Variants in VAC14 observed in about 807,000 individuals in gnomAD.
VAC14 encodes VAC14 component of PIKFYVE complex, also known as protein VAC14 homolog.
VAC14 carries 47 observed loss-of-function variants against 85.3 expected under a neutral mutation model. The observed-to-expected ratio is 0.55, with a 90% CI of 0.44 to 0.70. VAC14 has a LOEUF of 0.70. Ranked by LOEUF, VAC14 falls within the 30% of genes least tolerant of loss-of-function variation. The pLI, the probability that VAC14 is intolerant of heterozygous loss-of-function variation, is 0.00. For synonymous variants in VAC14, 447 were observed against 430.5 expected (o/e 1.04, Z -0.47); for missense variants, 861 against 1,004.3 (o/e 0.86, Z 1.93).
chr16:70,720,904 G>C (rs921824666), intron 14 of VAC14, among the ~76,000 whole-genome samples: 7 of 152,164 alleles, frequency 4.6e-5, no homozygotes, highest in Non-Finnish European at 8.8e-5. Context: ...AAAAAGGAAA[G>C]TGAGAGACGG....
At chr16:70,763,184 TTGC>T (rs1395865777) in intron 10 of VAC14, among the ~76,000 whole-genome samples, 159 bp from the exon 11 acceptor site, 6 of 152,214 alleles carry the variant, frequency 3.9e-5, no homozygotes, top group African/African-American at 1.4e-4. Flanking sequence ...CCACACATCC[TTGC>T]TGGTCTCCCA....
chr16:70,771,754 T>G (rs2033237850), intron 10 of VAC14: 1 of 197,392 alleles, frequency 5.1e-6, no homozygotes, highest in Admixed American at 5.6e-5. Flanking sequence ...TAATTTTTTG[T>G]ATTTTCAGTA....
chr16:70,740,997 G>A (rs748349678), intron 13 of VAC14, among the ~76,000 whole-genome samples: 3 of 152,220 alleles, frequency 2.0e-5, no homozygotes, highest in African/African-American at 4.8e-5. Context: ...CGTGTGATCC[G>A]CACCATGTGG....
intron 14 of VAC14, among the ~76,000 whole-genome samples, chr16:70,720,484 C>T (rs1220987045): frequency 1.3e-5 from 2 of 152,086 alleles, no homozygotes; most frequent in African/African-American, 2.4e-5. Context: ...CCCGGGGAGA[C>T]GGCAAGACCA....
intron 12 of VAC14, among the ~76,000 whole-genome samples, chr16:70,753,048 C>G (rs552247680): frequency 1.3e-4 from 17 of 129,114 alleles, no homozygotes; most frequent in Middle Eastern, 3.9e-3. Context: ...GTGTGTGTGT[C>G]AGACAGATGG....
chr16:70,700,566 C>T (rs1043050104), intron 14 of VAC14, among the ~76,000 whole-genome samples: 1 of 152,178 alleles, frequency 6.6e-6, no homozygotes, highest in Non-Finnish European at 1.5e-5. Flanking sequence ...CCATGTAAGG[C>T]TAGTGTGTGG....
chr16:70,784,918 C>A lies in VAC14; in HGVS notation c.424-80G>T, dbSNP rs370203750. On this transcript the variant is annotated intron_variant, in intron 3 of 18. Transcript: ENST00000261776. ...CAAGACCAGGGATTTCCTGCAAATC[C>A]GCAGCCGAGGCCTTGGTGCAGCCCA... 2.3e-6 allele frequency: 3 copies of A among 1,276,626 alleles called. No homozygotes were observed. In the East Asian group the frequency reaches 6.9e-5, roughly 29 times the overall value. The allele number at this position is 1,276,626 out of a possible 1,614,324, so 79.1% of individuals were successfully genotyped here.
intron 15 of VAC14, among the ~76,000 whole-genome samples, chr16:70,697,495 C>T (rs148323575): frequency 9.8e-5 from 15 of 152,346 alleles, no homozygotes; most frequent in Non-Finnish European, 1.6e-4. Flanking sequence ...GCTGCGAGGG[C>T]CTGGCTGGGA....
chr16:70,763,103 G>A, intron 10 of VAC14, 78 bp from the exon 11 acceptor site: 2 of 1,591,920 alleles, frequency 1.3e-6, no homozygotes, highest in Non-Finnish European at 1.7e-6. Flanking sequence ...CACCACCCTG[G>A]GCCTGCACAT....
At chr16:70,688,583 G>A in intron 18 of VAC14, 1 of 985,710 alleles carries the variant, frequency 1.0e-6, no homozygotes, top group Non-Finnish European at 1.2e-6. Context: ...ATTTGTTTTT[G>A]AGTGTTGGGG....
chr16:70,795,682 C>T (rs1281762308), intron 1 of VAC14, among the ~76,000 whole-genome samples: 1 of 152,202 alleles, frequency 6.6e-6, no homozygotes, highest in East Asian at 1.9e-4. Context: ...GATTCAGGAG[C>T]TCTGCTCCCA....
rs1201377262 is a variant in VAC14 at position 70,801,041 on chromosome 16, C to T, written c.-141G>A. On this transcript the variant is annotated 5_prime_UTR_variant, in exon 1 of 19. Coordinates refer to ENST00000261776, the MANE Select transcript of VAC14 (RefSeq NM_018052.5). ...CTCTAGGCTTGCCTGCCACGCTCCG[C>T]CGCCTCGCCCTGGAACCCGGGCCCG... is the stretch of plus-strand genomic sequence containing the variant. 3.8e-6 allele frequency: 2 copies of T among 529,110 alleles called. No homozygotes were observed. The highest frequency in any genetic ancestry group is 6.3e-6 in the Non-Finnish European group (2 of 318,130). The allele number at this position is 529,110 out of a possible 1,614,324, so 32.8% of individuals were successfully genotyped here. A position where few individuals can be genotyped will look rare whatever the true frequency, so the allele number is the denominator to read the frequency against.
At chr16:70,703,845 C>T (rs2053874466) in intron 14 of VAC14, among the ~76,000 whole-genome samples, 5 of 152,240 alleles carry the variant, frequency 3.3e-5, no homozygotes, top group Admixed American at 2.6e-4. Flanking sequence ...ACTACACAGC[C>T]TTGCCCATGA....
chr16:70,794,877 C>T (rs1330028704), intron 1 of VAC14, among the ~76,000 whole-genome samples: 1 of 152,228 alleles, frequency 6.6e-6, no homozygotes, highest in Non-Finnish European at 1.5e-5. Flanking sequence ...AGTTATGTGC[C>T]ACATAAGGAC....
At position 70,692,382 on chromosome 16, in the gene VAC14, G is replaced by A. The variant is rs548857406; in HGVS notation, c.2186+439C>T. ...AGGGTTGAGCCTCTGCCACAGACAG[G>A]GTGGGGAGGGGCTATGTGAGGCCTG... is the stretch of plus-strand genomic sequence containing the variant. On this transcript the variant is annotated intron_variant, in intron 18 of 18. Coordinates refer to ENST00000261776, the MANE Select transcript of VAC14 (RefSeq NM_018052.5). 1.1e-3 allele frequency among the ~76,000 whole-genome samples: 162 copies of A among 152,224 alleles called. 1 individual carries two copies. Among genetic ancestry groups the A allele is most frequent in the Admixed American group, 2.0e-3 (31 of 15,280 alleles).
intron 10 of VAC14, among the ~76,000 whole-genome samples, chr16:70,763,340 C>T (rs1211976207): frequency 6.6e-6 from 1 of 152,206 alleles, no homozygotes; most frequent in African/African-American, 2.4e-5. Flanking sequence ...CTCCCACTCA[C>T]TTTTCCTTTT....
chr16:70,776,292 G>C (rs2033514211), intron 9 of VAC14, among the ~76,000 whole-genome samples: 1 of 152,038 alleles, frequency 6.6e-6, no homozygotes, highest in Non-Finnish European at 1.5e-5. Flanking sequence ...TATTTTTGTA[G>C]AGACAGGGTC....
Position 70,783,039 on chromosome 16 carries a change from T to C in VAC14, c.805A>G (p.Thr269Ala). 6.2e-7 allele frequency: 1 copy of C among 1,614,068 alleles called. No individual in the cohort carries two copies. Among genetic ancestry groups the C allele is most frequent in the Non-Finnish European group, 8.5e-7 (1 of 1,179,924 alleles). ...MANILVIHCQ[T>A]TDDLIQLTAM... ...GCCCTCCCCCAATACTCACCTGTTGTCTGGCAGTGGATCACCAGGATGTTG... is the reference window on the plus strand; with the variant it reads ...GCCCTCCCCCAATACTCACCTGTTGCCTGGCAGTGGATCACCAGGATGTTG... The change falls in exon 7 of 19, where the codon ACA becomes GCA. Residue 269 changes from threonine (T) to alanine (A), a missense_variant. This residue lies in a region of VAC14 where 629 missense variants were observed against 703.1 expected (regional missense o/e 0.89). Transcript: ENST00000261776.
chr16:70,740,114 C>T (rs181785538), intron 13 of VAC14, among the ~76,000 whole-genome samples: 4 of 152,220 alleles, frequency 2.6e-5, no homozygotes, highest in African/African-American at 7.2e-5. Context: ...GCACGCACCA[C>T]TACGCCCAGC....
Sources: gnomAD v4.1 joint callset for allele counts (sites outside exome capture counted in the v4.1 genomes callset) on GRCh38, gnomAD v4.1.1 for gene constraint, gnomAD v4.1.1 regional missense constraint, MANE v1.5 for transcripts, NCBI Gene and HGNC (gene_info 2026-07-23, HGNC 2026-07-21) for gene names.